The following SYT14 variants were observed in gnomAD, a reference collection of about 807,000 sequenced individuals.
SYT14 encodes synaptotagmin 14.
SYT14 carries 32 observed loss-of-function variants against 74.2 expected under a neutral mutation model. The observed-to-expected ratio is 0.43, with a 90% CI of 0.33 to 0.58. SYT14 has a LOEUF of 0.58. Among genes scored for constraint, SYT14 ranks in the 20% least tolerant of loss-of-function variants. The probability of loss-of-function intolerance (pLI) is 0.05; values close to 1 mark genes in which losing one functional copy is unlikely to be tolerated. For synonymous variants in SYT14, 298 were observed against 337.7 expected, an observed-to-expected ratio of 0.88 and a Z score of 1.29; for missense variants, 791 against 981.8, an observed-to-expected ratio of 0.81 and a Z score of 2.60.
At chr1:210,156,046 G>A in intron 8 of SYT14, 136 bp downstream of exon 7, 1 of 857,212 alleles carries the variant, frequency 1.2e-6, no homozygotes, top group Non-Finnish European at 1.8e-6. Context: ...TCTGTTTCAT[G>A]TTTTCTATTT....
intron 1 of SYT14, among the ~76,000 whole-genome samples, chr1:209,945,065 C>T (rs1205014856): frequency 2.0e-5 from 3 of 152,128 alleles, no homozygotes; most frequent in Admixed American, 1.3e-4. Flanking sequence ...TTTATTAAGA[C>T]ATCTTTTTTC....
At chr1:210,034,024 T>C (rs2080598468) in intron 5 of SYT14, among the ~76,000 whole-genome samples, 1 of 151,872 alleles carries the variant, frequency 6.6e-6, no homozygotes, top group African/African-American at 2.4e-5. Context: ...TAATAAAAAG[T>C]ATAGTTCTGC....
intron 2 of SYT14, among the ~76,000 whole-genome samples, chr1:209,973,607 A>C (rs1377563947): frequency 1.3e-5 from 2 of 152,180 alleles, no homozygotes; most frequent in African/African-American, 4.8e-5. Context: ...AATCCAGTCT[A>C]TCATTGGTGG....
chr1:210,145,885 T>TA (rs1193346884), intron 7 of SYT14, among the ~76,000 whole-genome samples: 1 of 152,198 alleles, frequency 6.6e-6, no homozygotes, highest in Non-Finnish European at 1.5e-5. Flanking sequence ...TTTTCTCCCA[T>TA]AAAATCTCTA....
intron 1 of SYT14, among the ~76,000 whole-genome samples, chr1:209,941,155 G>A (rs1404353219): frequency 6.6e-6 from 1 of 152,022 alleles, no homozygotes. Flanking sequence ...TTTCTTCTCT[G>A]TGTAAACCTA....
At chr1:210,083,500 T>C (rs985601790) in intron 5 of SYT14, among the ~76,000 whole-genome samples, 19 of 152,206 alleles carry the variant, frequency 1.2e-4, no homozygotes, top group African/African-American at 4.3e-4. Flanking sequence ...GCAGCCTCAA[T>C]CTCCTGGGCT....
intron 2 of SYT14, among the ~76,000 whole-genome samples, chr1:209,966,810 T>G (rs1356674776): frequency 6.6e-6 from 1 of 152,204 alleles, no homozygotes; most frequent in Non-Finnish European, 1.5e-5. Context: ...CTGGATGCCT[T>G]TTCTTTCTTT....
rs1236428994 is a variant in SYT14 at position 210,091,470 on chromosome 1, C to G, written c.1313-2852C>G. Among the ~76,000 whole-genome samples, 25 of 152,172 alleles carry G rather than the reference C, an allele frequency of 1.6e-4. 1 individual carries two copies. The highest frequency in any genetic ancestry group is 1.6e-3 in the Admixed American group (25 of 15,282). ...TTGGGATGCCGAGGCAGGCGGATTG[C>G]TTGAGCCCAGGAATTCAGGATCAGC... On this transcript the variant is annotated intron_variant, in intron 5 of 9. Transcript: ENST00000637265.
intron 7 of SYT14, among the ~76,000 whole-genome samples, chr1:210,113,672 A>C (rs2102588393): frequency 6.6e-6 from 1 of 150,786 alleles, no homozygotes; most frequent in Middle Eastern, 3.4e-3. Flanking sequence ...AGGTGGGGAG[A>C]TAGAAGGGGA....
intron 2 of SYT14, among the ~76,000 whole-genome samples, chr1:209,966,194 A>G (rs1306426946): frequency 1.3e-5 from 2 of 152,174 alleles, no homozygotes; most frequent in Non-Finnish European, 2.9e-5. Context: ...ATCCTGTTCC[A>G]TTGATCTGTT....
At chr1:209,962,888 T>C (rs2079097997) in intron 2 of SYT14, among the ~76,000 whole-genome samples, 1 of 152,138 alleles carries the variant, frequency 6.6e-6, no homozygotes, top group Non-Finnish European at 1.5e-5. Context: ...AAGTGTCATT[T>C]TCTTCTTCCC....
At chr1:210,118,180 G>A (rs1003248948) in intron 7 of SYT14, among the ~76,000 whole-genome samples, 1 of 152,146 alleles carries the variant, frequency 6.6e-6, no homozygotes, top group Non-Finnish European at 1.5e-5. Flanking sequence ...ACACATAAAT[G>A]GGTCCAAGCA....
exon 10 of SYT14, chr1:210,161,575 T>C (rs1336476406): frequency 4.4e-6 from 2 of 454,046 alleles, no homozygotes; most frequent in East Asian, 6.9e-5. Flanking sequence ...ATTTCAGGCA[T>C]GTTCCCTTTG....
chr1:210,112,306 A>C (rs911244274), intron 7 of SYT14, among the ~76,000 whole-genome samples: 1 of 151,152 alleles, frequency 6.6e-6, no homozygotes, highest in Non-Finnish European at 1.5e-5. Flanking sequence ...CCTGAGGAGG[A>C]GTGGAATAGC....
chr1:210,038,608 T>A (rs112627965), intron 5 of SYT14, among the ~76,000 whole-genome samples: 13 of 152,140 alleles, frequency 8.5e-5, no homozygotes, highest in African/African-American at 2.9e-4. Context: ...CTTATAGGAC[T>A]GGTTTAGTGG....
chr1:210,066,782 G>A (rs556297967), intron 5 of SYT14, among the ~76,000 whole-genome samples: 22 of 152,012 alleles, frequency 1.4e-4, no homozygotes, highest in East Asian at 3.9e-4. Context: ...TATTAGCAGC[G>A]TGAGAACGGA....
chr1:210,103,630 T>C (rs1016781824), intron 7 of SYT14, among the ~76,000 whole-genome samples: 4 of 150,988 alleles, frequency 2.6e-5, no homozygotes, highest in Non-Finnish European at 5.9e-5. Flanking sequence ...ATAGAAAATA[T>C]ACTTAAGAGT....
chr1:209,974,270 A>T (rs1246207348), intron 2 of SYT14, among the ~76,000 whole-genome samples: 1 of 152,030 alleles, frequency 6.6e-6, no homozygotes, highest in Non-Finnish European at 1.5e-5. Context: ...GGTGTTTTAG[A>T]CATGAAGTCC....
intron 2 of SYT14, among the ~76,000 whole-genome samples, chr1:209,994,975 TA>T (rs1395171150): frequency 6.6e-6 from 1 of 152,202 alleles, no homozygotes; most frequent in East Asian, 1.9e-4. Context: ...ACCAGCCATA[TA>T]AGAAGTCTTT....
Sources: gnomAD v4.1 joint callset for allele counts (sites outside exome capture counted in the v4.1 genomes callset) on GRCh38, gnomAD v4.1.1 for gene constraint, MANE v1.5 for transcripts, NCBI Gene and HGNC (gene_info 2026-07-23, HGNC 2026-07-21) for gene names.